CADM2: variants seen among roughly 807,000 people sequenced by gnomAD.
The protein encoded by CADM2 is immunoglobulin superfamily member 4D.
A neutral mutation model predicts 49.8 loss-of-function variants in CADM2; 12 were observed. The ratio of observed to expected loss-of-function variants is 0.24; its 90% CI spans 0.15 to 0.39. The LOEUF is 0.39. CADM2 is among the 10% of genes least tolerant of loss of function. CADM2 has a pLI of 1.00. For missense variants in CADM2, 378 were observed against 492.3 expected, an observed-to-expected ratio of 0.77 and a Z score of 2.20; for synonymous variants, 214 against 175.4, an observed-to-expected ratio of 1.22 and a Z score of -1.74.
chr3:85,601,219 C>T (rs1422564379), intron 1 of CADM2, among the ~76,000 whole-genome samples: 3 of 138,046 alleles, frequency 2.2e-5, no homozygotes, highest in African/African-American at 8.0e-5. Context: ...AAGTGGAATA[C>T]ATGAGGAATG....
intron 1 of CADM2, among the ~76,000 whole-genome samples, chr3:85,060,045 T>C (rs2036246576): frequency 2.6e-5 from 4 of 152,342 alleles, no homozygotes; most frequent in Admixed American, 2.6e-4. Context: ...TCAGTCTTTC[T>C]GATCTGATTT....
chr3:85,818,611 A>G (rs1440711576), intron 3 of CADM2, among the ~76,000 whole-genome samples: 1 of 152,166 alleles, frequency 6.6e-6, no homozygotes, highest in African/African-American at 2.4e-5. Flanking sequence ...TATTATCTAT[A>G]AATAATTTTG....
At chr3:85,015,057 A>G (rs1323264882) in intron 1 of CADM2, among the ~76,000 whole-genome samples, 1 of 152,130 alleles carries the variant, frequency 6.6e-6, no homozygotes, top group East Asian at 1.9e-4. Context: ...CACATTTAGG[A>G]TAATACCATT....
rs369599786 is a variant in CADM2, at chr3:85,890,289, GAGAA to G, written c.529+3966_529+3969del. On this transcript the variant is annotated intron_variant, in intron 5 of 9. Transcript: ENST00000383699. Reference sequence around the variant, plus strand: ...CTCTCAGTTCATCTGTATTTTACATGAGAAAGAGAGAGTAGGGGAAAGGTAAATT... The same window carrying G: ...CTCTCAGTTCATCTGTATTTTACATGAGAGAGAGTAGGGGAAAGGTAAATT... 7.6e-3 allele frequency among the ~76,000 whole-genome samples: 1,153 copies of G among 152,222 alleles called. 12 individuals carry two copies. The highest frequency in any genetic ancestry group is 0.031 in the Middle Eastern group (9 of 292).
chr3:85,716,423 G>C (rs1415114596), intron 1 of CADM2, among the ~76,000 whole-genome samples: 1 of 152,092 alleles, frequency 6.6e-6, no homozygotes, highest in Non-Finnish European at 1.5e-5. Context: ...CAGATGGATA[G>C]ATTGCAAAAA....
At chr3:85,931,228 GAAGA>G (rs1026844069) in intron 6 of CADM2, among the ~76,000 whole-genome samples, 4 of 151,732 alleles carry the variant, frequency 2.6e-5, no homozygotes, top group African/African-American at 9.7e-5. Flanking sequence ...AAGAAAGAAA[GAAGA>G]AAGAAAGTAA....
intron 1 of CADM2, among the ~76,000 whole-genome samples, chr3:85,168,441 T>C (rs981242081): frequency 2.6e-5 from 4 of 152,228 alleles, no homozygotes; most frequent in African/African-American, 9.6e-5. Flanking sequence ...ACATTATTGA[T>C]AATACCTGTG....
intron 1 of CADM2, among the ~76,000 whole-genome samples, chr3:85,275,967 A>AT (rs2043347530): frequency 6.6e-6 from 1 of 151,048 alleles, no homozygotes; most frequent in Admixed American, 6.6e-5. Flanking sequence ...AAGAATTTAA[A>AT]TTTTTTTGGT....
intron 1 of CADM2, among the ~76,000 whole-genome samples, chr3:85,354,532 G>A (rs2031679269): frequency 6.6e-6 from 1 of 151,412 alleles, no homozygotes; most frequent in Non-Finnish European, 1.5e-5. Flanking sequence ...ACCTAATGCA[G>A]AGGAAAGGAA....
intron 8 of CADM2, among the ~76,000 whole-genome samples, chr3:86,059,176 G>T (rs1039323609): frequency 1.3e-5 from 2 of 151,578 alleles, no homozygotes; most frequent in East Asian, 1.9e-4. Flanking sequence ...ATCTTAAAAG[G>T]CCAGAAATTC....
intron 1 of CADM2, among the ~76,000 whole-genome samples, chr3:85,231,671 T>A (rs1459601232): frequency 2.0e-5 from 3 of 149,242 alleles, no homozygotes; most frequent in Non-Finnish European, 4.4e-5. Context: ...AAAAAACAAA[T>A]AAGTGGGGTA....
chr3:85,959,232 A>C (rs1490094849), intron 7 of CADM2, among the ~76,000 whole-genome samples: 2 of 151,540 alleles, frequency 1.3e-5, no homozygotes, highest in African/African-American at 2.4e-5. Context: ...CAAGGTATGC[A>C]GGAAGAGGAG....
At chr3:85,602,244 T>A (rs936593388) in intron 1 of CADM2, among the ~76,000 whole-genome samples, 6 of 151,790 alleles carry the variant, frequency 4.0e-5, no homozygotes, top group African/African-American at 1.4e-4. Context: ...TTAGAATGTG[T>A]TTGAGAACTT....
chr3:85,289,803 A>G (rs1297967270), intron 1 of CADM2, among the ~76,000 whole-genome samples: 4 of 152,226 alleles, frequency 2.6e-5, no homozygotes, highest in Admixed American at 6.5e-5. Flanking sequence ...AGACTGCTTA[A>G]ATAAATTTAC....
chr3:85,624,564 C>T (rs2064069069), intron 1 of CADM2, among the ~76,000 whole-genome samples: 2 of 152,036 alleles, frequency 1.3e-5, no homozygotes, highest in Non-Finnish European at 2.9e-5. Flanking sequence ...AACTCCTGAC[C>T]TCGTCATCCA....
intron 2 of CADM2, among the ~76,000 whole-genome samples, chr3:85,782,591 G>A (rs1486210088): frequency 2.0e-5 from 3 of 151,386 alleles, no homozygotes; most frequent in African/African-American, 7.3e-5. Context: ...AGGAGGTGGA[G>A]GTTTCAGTGA....
At chr3:85,150,927 A>T (rs2107645912) in intron 1 of CADM2, among the ~76,000 whole-genome samples, 1 of 143,736 alleles carries the variant, frequency 7.0e-6, no homozygotes, top group South Asian at 2.2e-4. Context: ...AAAAATAAAT[A>T]ATAATAATAA....
intron 1 of CADM2, among the ~76,000 whole-genome samples, chr3:84,989,995 A>G (rs528063141): frequency 6.6e-6 from 1 of 152,070 alleles, no homozygotes; most frequent in East Asian, 1.9e-4. Flanking sequence ...GATTCTTAAT[A>G]AGACAAGTGA....
At chr3:85,825,960 T>C (rs1325433590) in intron 3 of CADM2, among the ~76,000 whole-genome samples, 1 of 152,058 alleles carries the variant, frequency 6.6e-6, no homozygotes, top group African/African-American at 2.4e-5. Context: ...ATGTAGATTG[T>C]ATTGAAAATA....
Sources: gnomAD v4.1 joint callset for allele counts (sites outside exome capture counted in the v4.1 genomes callset) on GRCh38, gnomAD v4.1.1 for gene constraint, MANE v1.5 for transcripts, NCBI Gene and HGNC (gene_info 2026-07-23, HGNC 2026-07-21) for gene names.